KIAA1217: variants seen among roughly 807,000 people sequenced by gnomAD.
The protein encoded by KIAA1217 is KIAA1217, also known as sickle tail protein homolog.
KIAA1217 carries 88 observed loss-of-function variants against 163.9 expected under a neutral mutation model. The observed-to-expected ratio is 0.54, with a 90% CI of 0.45 to 0.64. KIAA1217 has a LOEUF of 0.64. Among genes scored for constraint, KIAA1217 ranks in the 30% least tolerant of loss-of-function variants. The pLI, the probability that KIAA1217 is intolerant of heterozygous loss-of-function variation, is 0.00. For missense variants in KIAA1217, 2,372 were observed against 2,475.0 expected (o/e 0.96, Z 0.88); for synonymous variants, 903 against 923.1 (o/e 0.98, Z 0.39).
At chr10:24,104,472 G>C (rs923062040) in intron 2 of KIAA1217, among the ~76,000 whole-genome samples, 1 of 152,062 alleles carries the variant, frequency 6.6e-6, no homozygotes. Flanking sequence ...GGCAACTAGG[G>C]AGAAAGTAAA....
chr10:23,910,295 T>TA (rs57494735), intron 1 of KIAA1217, among the ~76,000 whole-genome samples: 2,802 of 141,022 alleles, frequency 0.02, 90 homozygotes, highest in African/African-American at 0.065. Context: ...ACTTAAAGTA[T>TA]AAAAAAAAAA....
Position 24,544,457 on chromosome 10 carries a change from G to A in KIAA1217, c.5187G>A (p.Thr1729=), listed in dbSNP as rs747265492. The stretch of plus-strand genomic sequence containing the variant: ...GTCCCACTGCCCTAGAGCCCCCTAC[G>A]TCGATACCTTCAGCTTCACGTAAGG... The part of the protein sequence containing the change: ...DEGPTALEPP[T]SIPSASRKGS... The change falls in exon 19 of 21, where the codon ACG becomes ACA. Residue 1729 remains threonine (T), a synonymous_variant. Transcript: ENST00000376454. 7 of 1,613,106 alleles carry A rather than the reference G, an allele frequency of 4.3e-6. No individual in the cohort carries two copies. The highest frequency in any genetic ancestry group is 4.5e-5 in the East Asian group (2 of 44,846).
At chr10:23,776,114 A>G (rs1834997274) in intron 1 of KIAA1217, among the ~76,000 whole-genome samples, 1 of 152,124 alleles carries the variant, frequency 6.6e-6, no homozygotes, top group South Asian at 2.1e-4. Context: ...ATTACATTGG[A>G]TCAGTGCCCA....
chr10:24,021,054 C>T (rs909115666), intron 2 of KIAA1217, among the ~76,000 whole-genome samples: 13 of 151,868 alleles, frequency 8.6e-5, no homozygotes, highest in African/African-American at 2.9e-4. Context: ...GTCAACACAA[C>T]TACTGAAATT....
At chr10:23,929,724 C>T (rs1219026703) in intron 1 of KIAA1217, among the ~76,000 whole-genome samples, 1 of 152,156 alleles carries the variant, frequency 6.6e-6, no homozygotes, top group Non-Finnish European at 1.5e-5. Flanking sequence ...ACCTAAGTTG[C>T]TTACATCTCT....
chr10:23,947,584 G>A (rs1844115281), intron 1 of KIAA1217, among the ~76,000 whole-genome samples: 1 of 152,072 alleles, frequency 6.6e-6, no homozygotes, highest in Admixed American at 6.5e-5. Flanking sequence ...ATTTCAACAA[G>A]AGATATCAGT....
At chr10:23,818,366 A>G (rs1382694118) in intron 1 of KIAA1217, among the ~76,000 whole-genome samples, 1 of 144,118 alleles carries the variant, frequency 6.9e-6, no homozygotes, top group East Asian at 2.2e-4. Context: ...ATATATATAT[A>G]TATATAGCCA....
At chr10:23,786,181 G>A (rs969213821) in intron 1 of KIAA1217, among the ~76,000 whole-genome samples, 1 of 152,112 alleles carries the variant, frequency 6.6e-6, no homozygotes, top group Admixed American at 6.5e-5. Context: ...GGACTTCAGA[G>A]GAGAAGAAAA....
intron 2 of KIAA1217, among the ~76,000 whole-genome samples, chr10:24,131,089 A>G (rs1407887753): frequency 6.6e-6 from 1 of 152,242 alleles, no homozygotes; most frequent in African/African-American, 2.4e-5. Context: ...GAATATTGAA[A>G]CATACTTGTT....
At chr10:23,769,551 G>T (rs555217124) in intron 1 of KIAA1217, among the ~76,000 whole-genome samples, 1 of 152,288 alleles carries the variant, frequency 6.6e-6, no homozygotes, top group Admixed American at 6.5e-5. Context: ...TATCATCTTT[G>T]TTCTAAATTA....
At chr10:24,400,698 T>A (rs1476655099) in intron 3 of KIAA1217, among the ~76,000 whole-genome samples, 1 of 151,994 alleles carries the variant, frequency 6.6e-6, no homozygotes, top group African/African-American at 2.4e-5. Flanking sequence ...TCCAGAGTAT[T>A]CAGCTGAAGA....
At chr10:24,493,890 C>T (rs1181960902) in intron 6 of KIAA1217, among the ~76,000 whole-genome samples, 5 of 152,150 alleles carry the variant, frequency 3.3e-5, no homozygotes, top group Non-Finnish European at 7.3e-5. Context: ...AAACTCCTGA[C>T]CTCAGGTGAT....
rs137934222 is a variant in KIAA1217 at position 24,269,878 on chromosome 10, A to G, written c.354+49969A>G. On this transcript the variant is annotated intron_variant, in intron 2 of 20. Transcript: ENST00000376454. ...ACACTTCTAAAGATTGGGGCCCCGTACTATATACAATGCTAAATTTCCAAT... is the reference window on the plus strand; with the variant it reads ...ACACTTCTAAAGATTGGGGCCCCGTGCTATATACAATGCTAAATTTCCAAT... Among the ~76,000 whole-genome samples, 673 of 152,346 alleles carry G rather than the reference A, an allele frequency of 4.4e-3. 6 individuals are homozygous for G. Among genetic ancestry groups the G allele is most frequent in the African/African-American group, 0.015 (643 of 41,582 alleles).
intron 2 of KIAA1217, among the ~76,000 whole-genome samples, chr10:24,300,978 G>A (rs170205): frequency 0.92 from 140,136 of 152,134 alleles, 64,797 homozygotes; most frequent in Non-Finnish European, 0.95. Flanking sequence ...ACGCCCGGCT[G>A]ATTTTTGTAT....
chr10:24,326,572 A>C (rs2044931244), intron 2 of KIAA1217, among the ~76,000 whole-genome samples: 1 of 152,234 alleles, frequency 6.6e-6, no homozygotes. Context: ...CATGGTTATC[A>C]AAAGCAAATA....
At chr10:23,788,946 G>T (rs1835613869) in intron 1 of KIAA1217, among the ~76,000 whole-genome samples, 1 of 152,200 alleles carries the variant, frequency 6.6e-6, no homozygotes, top group African/African-American at 2.4e-5. Context: ...AAAGAGATGA[G>T]CTCACGTCAA....
At chr10:23,797,873 T>TGAA (rs1345665707) in intron 1 of KIAA1217, among the ~76,000 whole-genome samples, 1 of 152,196 alleles carries the variant, frequency 6.6e-6, no homozygotes, top group Non-Finnish European at 1.5e-5. Context: ...GTGTCATTCA[T>TGAA]GCAGAAGAAC....
Position 24,164,247 on chromosome 10 carries a change from CA to C in KIAA1217, c.-170-55378del, listed in dbSNP as rs2065243093. On this transcript the variant is annotated intron_variant, in intron 2 of 18. Transcript: ENST00000376462. ...GAACGAGATGAACAGGCTTCCGCCC[CA>C]GGACATTTGTACTTGCCCTGCCTGG... 3.9e-5 allele frequency among the ~76,000 whole-genome samples: 6 copies of C among 152,314 alleles called. 1 individual carries two copies. In the South Asian group the frequency reaches 1.2e-3, roughly 32 times the overall value.
intron 1 of KIAA1217, among the ~76,000 whole-genome samples, chr10:23,981,647 C>T (rs959480372): frequency 9.2e-5 from 14 of 152,090 alleles, no homozygotes; most frequent in South Asian, 2.1e-4. Context: ...AGCCTGGAGT[C>T]GGCTCTATTT....
Sources: allele counts gnomAD v4.1 joint callset (sites outside exome capture counted in the v4.1 genomes callset), GRCh38; gene constraint gnomAD v4.1.1; transcripts MANE v1.5; gene names NCBI Gene and HGNC (gene_info 2026-07-23, HGNC 2026-07-21).